Variants in NVL observed in about 807,000 individuals in gnomAD.
NVL encodes the protein nuclear valosin-containing protein-like.
NVL carries 84 observed loss-of-function variants against 110.2 expected under a neutral mutation model. That is an observed-to-expected ratio of 0.76 (90% confidence interval 0.64 to 0.91). The LOEUF (loss-of-function observed/expected upper bound fraction) is 0.91. Among genes scored for constraint, NVL ranks in the 40% least tolerant of loss-of-function variants. The probability of loss-of-function intolerance (pLI) is 0.00; values close to 1 mark genes in which losing one functional copy is unlikely to be tolerated. For synonymous variants in NVL, 354 were observed against 361.1 expected (o/e 0.98, Z 0.22); for missense variants, 882 against 1,035.9 (o/e 0.85, Z 2.04).
At chr1:224,238,249 T>C (rs12133479) in intron 19 of NVL, among the ~76,000 whole-genome samples, 1 of 152,054 alleles carries the variant, frequency 6.6e-6, no homozygotes, top group Non-Finnish European at 1.5e-5. Context: ...CCCAGGCTGA[T>C]CTCAAACTCC....
At chr1:224,313,865 T>C (rs1669796335) in intron 4 of NVL, among the ~76,000 whole-genome samples, 1 of 151,928 alleles carries the variant, frequency 6.6e-6, no homozygotes, top group Non-Finnish European at 1.5e-5. Context: ...TGGCCAGCAG[T>C]GGTGGTGGGT....
At chr1:224,292,703 G>C (rs1399585730) in intron 12 of NVL, among the ~76,000 whole-genome samples, 1 of 151,936 alleles carries the variant, frequency 6.6e-6, no homozygotes, top group Non-Finnish European at 1.5e-5. Flanking sequence ...CTCCCACACT[G>C]TTCCTGGACC....
rs763706633 is a variant in NVL at position 224,231,333 on chromosome 1, T to A, written c.2456-37A>T. The A allele has an allele frequency of 2.6e-5, 39 of 1,521,190 alleles. No homozygotes were observed. The African/African-American group carries it at 4.9e-4, about 19-fold the overall frequency. 94.2% of individuals were successfully genotyped at this position (1,521,190 alleles called of 1,614,324 possible). A position where few individuals can be genotyped will look rare whatever the true frequency, so the allele number is the denominator to read the frequency against. On this transcript the variant is annotated intron_variant, in intron 21 of 22. Coordinates refer to ENST00000281701, the MANE Select transcript of NVL (RefSeq NM_002533.4). ...ATGCACAAATATACACATCTCAGTATCGTATGGTAACTGACTTAGAACTTA... is the reference window on the plus strand; with the variant it reads ...ATGCACAAATATACACATCTCAGTAACGTATGGTAACTGACTTAGAACTTA...
In NVL at chr1:224,272,470, C is replaced by A. The variant is rs1031762647; in HGVS notation, c.2082+2869G>T. ...TAGTGGCTCACATCTGTAATGCCAGCACTTTGGGAGGCCAAGGCGAGTGGA... is the reference window on the plus strand; with the variant it reads ...TAGTGGCTCACATCTGTAATGCCAGAACTTTGGGAGGCCAAGGCGAGTGGA... On this transcript the variant is annotated intron_variant, in intron 17 of 22. Transcript: ENST00000281701. 2.0e-5 allele frequency among the ~76,000 whole-genome samples: 3 copies of A among 152,132 alleles called. No homozygotes were observed. In the South Asian group the frequency reaches 6.2e-4, roughly 31 times the overall value.
intron 2 of NVL, among the ~76,000 whole-genome samples, chr1:224,319,846 T>C (rs921923850): frequency 2.6e-5 from 4 of 152,146 alleles, no homozygotes; most frequent in African/African-American, 9.7e-5. Flanking sequence ...AAACTAACAT[T>C]ACCGAATAAC....
Position 224,287,324 on chromosome 1 carries a change from T to C in NVL, c.1794+451A>G, listed in dbSNP as rs1666964048. Reference sequence around the variant, plus strand: ...TTGGTTAACGGGTAAAAAAAATAGTTAGATAGGAGTAATAAGTTCTGGTAT... The same window carrying C: ...TTGGTTAACGGGTAAAAAAAATAGTCAGATAGGAGTAATAAGTTCTGGTAT... On this transcript the variant is annotated intron_variant, in intron 14 of 22. Coordinates refer to ENST00000281701, the MANE Select transcript of NVL (RefSeq NM_002533.4). 2.0e-5 allele frequency among the ~76,000 whole-genome samples: 3 copies of C among 152,008 alleles called. No individual in the cohort carries two copies. In the South Asian group the frequency reaches 6.2e-4, roughly 32 times the overall value.
rs1483766712 is a variant in NVL, at chr1:224,287,940, C to T, written c.1629G>A (p.Glu543=). 2 of 1,613,710 alleles carry T rather than the reference C, an allele frequency of 1.2e-6. No individual in the cohort carries two copies. Among genetic ancestry groups the T allele is most frequent in the African/African-American group, 1.3e-5 (1 of 74,898 alleles). Residue 543 remains glutamate (E), a synonymous_variant, in exon 14 of 23, where the codon GAG becomes GAA. Transcript: ENST00000281701. The part of the protein sequence containing the change: ...GLLRDQDPLS[E]EQMQGLCIEL... ...CAATGCACAGTCCTTGCATCTGCTCCTCTGAGAGGGGATCTTGGTCTCTTA... is the reference window on the plus strand; with the variant it reads ...CAATGCACAGTCCTTGCATCTGCTCTTCTGAGAGGGGATCTTGGTCTCTTA...
intron 12 of NVL, among the ~76,000 whole-genome samples, chr1:224,291,271 T>C (rs1255705922): frequency 6.6e-6 from 1 of 152,164 alleles, no homozygotes; most frequent in Admixed American, 6.5e-5. Context: ...AATGGCACGA[T>C]CTCGGCTCAC....
rs1663452366 is a variant in NVL at position 224,257,714 on chromosome 1, A to AT, written c.2183-7397dup. 3.9e-5 allele frequency among the ~76,000 whole-genome samples: 6 copies of AT among 151,982 alleles called. 1 individual carries two copies. The highest frequency in any genetic ancestry group is 3.9e-4 in the Admixed American group (6 of 15,236). ...ATTTAATTTTGTTTTGTTTTTGTGT[A>AT]TTTTTTGTAGAGATGAGGTCTCACT... On this transcript the variant is annotated intron_variant, in intron 18 of 22. Coordinates refer to ENST00000281701, the MANE Select transcript of NVL (RefSeq NM_002533.4).
rs1231331522 is a variant in NVL, at chr1:224,237,959, TTCAAA to T, written c.2290-1382_2290-1378del. ...ACAGTTGGAGAGTTGGAGACTTGGT[TTCAAA>T]AAAAAAAAAAAAAAAAAAAAAGAAG... On this transcript the variant is annotated intron_variant, in intron 19 of 22. Coordinates refer to ENST00000281701, the MANE Select transcript of NVL (RefSeq NM_002533.4). Among the ~76,000 whole-genome samples, 5 of 83,448 alleles carry T rather than the reference TTCAAA, an allele frequency of 6.0e-5. No homozygotes were observed. In the East Asian group the frequency reaches 1.4e-3, roughly 23 times the overall value. The allele number at this position is 83,448 out of a possible 152,430, so 54.7% of individuals were successfully genotyped here.
At chr1:224,239,739 G>A (rs1339636995) in intron 19 of NVL, among the ~76,000 whole-genome samples, 1 of 152,084 alleles carries the variant, frequency 6.6e-6, no homozygotes. Context: ...GCATTTCTTG[G>A]ACCTTCATCA....
At chr1:224,306,045 C>A (rs1269794948) in intron 6 of NVL, among the ~76,000 whole-genome samples, 4 of 152,184 alleles carry the variant, frequency 2.6e-5, no homozygotes, top group African/African-American at 9.6e-5. Flanking sequence ...CATCTGACAG[C>A]TGATGATTCA....
At chr1:224,250,949 G>A (rs546549950) in intron 18 of NVL, among the ~76,000 whole-genome samples, 1 of 152,096 alleles carries the variant, frequency 6.6e-6, no homozygotes, top group South Asian at 2.1e-4. Flanking sequence ...GAGCCACTGT[G>A]CTCAGACCAA....
At chr1:224,230,882 C>T (rs535253495) in intron 22 of NVL, among the ~76,000 whole-genome samples, 1 of 152,106 alleles carries the variant, frequency 6.6e-6, no homozygotes, top group Admixed American at 6.6e-5. Flanking sequence ...GCCTGTAATC[C>T]CAGCACTTTG....
chr1:224,304,834 A>G (rs781438713), intron 7 of NVL, 22 bp from the exon 8 acceptor site: 193 of 1,598,342 alleles, frequency 1.2e-4, no homozygotes, highest in Non-Finnish European at 1.5e-4. Flanking sequence ...AAATGAGGAG[A>G]TGAAAAGATT....
chr1:224,242,575 C>T (rs2102730536), intron 19 of NVL, among the ~76,000 whole-genome samples: 1 of 139,908 alleles, frequency 7.1e-6, no homozygotes, highest in African/African-American at 2.6e-5. Flanking sequence ...TCAAGCGATT[C>T]TCCTGCCTCA....
intron 9 of NVL, chr1:224,301,813 A>G (rs1668444826): frequency 5.8e-6 from 1 of 173,082 alleles, no homozygotes. Context: ...AAAAAAAAAA[A>G]AAAAAAAAGA....
chr1:224,241,581 C>T (rs912312957), intron 19 of NVL, among the ~76,000 whole-genome samples: 2 of 151,948 alleles, frequency 1.3e-5, no homozygotes, highest in Admixed American at 6.6e-5. Flanking sequence ...ATAGGCCAGG[C>T]GTGGTGGCTC....
Position 224,328,067 on chromosome 1 carries a change from T to TC in NVL, c.58-1604dup, listed in dbSNP as rs568333153. 3.9e-3 allele frequency among the ~76,000 whole-genome samples: 596 copies of TC among 152,012 alleles called. 3 individuals are homozygous for TC. Among genetic ancestry groups the TC allele is most frequent in the African/African-American group, 0.013 (529 of 41,420 alleles). On this transcript the variant is annotated intron_variant, in intron 1 of 22. Transcript: ENST00000281701. The stretch of plus-strand genomic sequence containing the variant: ...AGCAGGGCTATGGCAAGCTCTGATT[T>TC]CCCCCCCCTTTTTTTTAGTTATACT...
Sources: gnomAD v4.1 joint callset for allele counts (sites outside exome capture counted in the v4.1 genomes callset) on GRCh38, gnomAD v4.1.1 for gene constraint, MANE v1.5 for transcripts, NCBI Gene and HGNC (gene_info 2026-07-23, HGNC 2026-07-21) for gene names.